CLYBL: variants seen among roughly 807,000 people sequenced by gnomAD.
CLYBL encodes citramalyl-CoA lyase, mitochondrial.
Under a neutral mutation model 38.9 loss-of-function variants are expected in CLYBL, and 31 were observed. That is an observed-to-expected ratio of 0.80 (90% CI 0.60 to 1.08). The LOEUF (loss-of-function observed/expected upper bound fraction) is 1.08, where lower values mean the gene tolerates loss of function less well. Among genes scored for constraint, CLYBL ranks in the 50% least tolerant of loss-of-function variants. CLYBL has a pLI of 0.00. For missense variants in CLYBL, 434 were observed against 411.6 expected (o/e 1.05, Z -0.47); for synonymous variants, 171 against 158.6 (o/e 1.08, Z -0.59).
chr13:99,609,169 GTTTTTTTTTTT>G (rs58873910), intron 1 of CLYBL, among the ~76,000 whole-genome samples: 1 of 45,780 alleles, frequency 2.2e-5, no homozygotes, highest in East Asian at 9.1e-4. Flanking sequence ...ACCTGTCTTT[GTTTTTTTTTTT>G]TTTTTTTTTT....
intron 2 of CLYBL, among the ~76,000 whole-genome samples, chr13:99,854,397 C>T (rs2051406068): frequency 6.6e-6 from 1 of 151,018 alleles, no homozygotes. Context: ...CACAATCCCC[C>T]TTGAATCTCG....
chr13:99,612,106 C>G (rs2046634569), intron 1 of CLYBL, among the ~76,000 whole-genome samples: 1 of 152,216 alleles, frequency 6.6e-6, no homozygotes, highest in African/African-American at 2.4e-5. Flanking sequence ...AGTCTGTCAT[C>G]TCCTTACTGT....
chr13:99,633,097 C>T (rs773684781), intron 1 of CLYBL, among the ~76,000 whole-genome samples: 1 of 147,740 alleles, frequency 6.8e-6, no homozygotes, highest in Non-Finnish European at 1.5e-5. Context: ...AAAAATTAGC[C>T]AGGTGTGGGA....
chr13:99,793,700 A>G (rs1471000708), intron 2 of CLYBL, among the ~76,000 whole-genome samples: 33 of 152,162 alleles, frequency 2.2e-4, no homozygotes, highest in Admixed American at 2.1e-3. Context: ...TTTCCATTTA[A>G]TGAGATCAGC....
intron 2 of CLYBL, among the ~76,000 whole-genome samples, chr13:99,826,836 C>T (rs1443056401): frequency 6.6e-6 from 1 of 152,256 alleles, no homozygotes. Flanking sequence ...ACACATGCCC[C>T]TTGGCGAGGA....
chr13:99,681,298 G>T (rs902442521), intron 1 of CLYBL, among the ~76,000 whole-genome samples: 1 of 152,166 alleles, frequency 6.6e-6, no homozygotes, highest in African/African-American at 2.4e-5. Context: ...AGTTGTGTAG[G>T]AGAGTGTCCT....
At chr13:99,836,768 C>T (rs17612087) in intron 2 of CLYBL, among the ~76,000 whole-genome samples, 8,081 of 152,120 alleles carry the variant, frequency 0.053, 275 homozygotes, top group East Asian at 0.16. Context: ...TTTCTGTGGT[C>T]CTTGCTTAGC....
At chr13:99,646,510 C>CTT (rs140419884) in intron 1 of CLYBL, among the ~76,000 whole-genome samples, 133 of 109,222 alleles carry the variant, frequency 1.2e-3, no homozygotes, top group Non-Finnish European at 1.6e-3. Flanking sequence ...TTACAGAAAT[C>CTT]TTTTTTTTTT....
chr13:99,891,341 T>C lies in CLYBL; in HGVS notation c.951T>C (p.Ser317=). ...AGGGGGCCTTTACTTTCCAAGGGAG[T>C]ATGATCGACATGCCATTACTGAAGC... ...LGKGAFTFQG[S]MIDMPLLKQA... The change falls in exon 8 of 9, where the codon AGT becomes AGC. Residue 317 remains serine (S), a synonymous_variant. Transcript: ENST00000339105. 6.2e-7 allele frequency: 1 copy of C among 1,613,654 alleles called. No individual in the cohort carries two copies. Among genetic ancestry groups the C allele is most frequent in the Non-Finnish European group, 8.5e-7 (1 of 1,179,676 alleles).
intron 2 of CLYBL, among the ~76,000 whole-genome samples, chr13:99,808,890 T>C (rs1318856906): frequency 2.0e-5 from 3 of 152,230 alleles, no homozygotes; most frequent in Non-Finnish European, 4.4e-5. Context: ...CTTCCTATTC[T>C]AAAGTACAGT....
intron 1 of CLYBL, among the ~76,000 whole-genome samples, chr13:99,614,433 C>G (rs1420940862): frequency 6.6e-6 from 1 of 152,098 alleles, no homozygotes; most frequent in African/African-American, 2.4e-5. Flanking sequence ...AGGGGACATG[C>G]CTGGGCTGGA....
At chr13:99,666,912 G>A (rs1436929032) in intron 1 of CLYBL, among the ~76,000 whole-genome samples, 1 of 152,176 alleles carries the variant, frequency 6.6e-6, no homozygotes, top group African/African-American at 2.4e-5. Context: ...TGGGGATCAC[G>A]TGATGCTGCC....
intron 1 of CLYBL, among the ~76,000 whole-genome samples, chr13:99,748,429 GTTTTTTTTTTTTTTTT>G (rs1165919560): frequency 4.6e-5 from 4 of 87,692 alleles, no homozygotes; most frequent in South Asian, 3.7e-4. Context: ...CTAGTTTTGT[GTTTTTTTTTTTTTTTT>G]TTTTTTTTTT....
At chr13:99,739,936 A>T (rs2139596606) in intron 1 of CLYBL, among the ~76,000 whole-genome samples, 1 of 152,180 alleles carries the variant, frequency 6.6e-6, no homozygotes, top group Admixed American at 6.5e-5. Context: ...GTACCATTGC[A>T]CTCCGGCCTG....
At chr13:99,820,447 C>G (rs973064263) in intron 2 of CLYBL, among the ~76,000 whole-genome samples, 5 of 152,144 alleles carry the variant, frequency 3.3e-5, no homozygotes, top group Admixed American at 6.5e-5. Flanking sequence ...TGGACTGCTT[C>G]CATATACTCT....
At chr13:99,626,790 A>G (rs1351863512) in intron 1 of CLYBL, among the ~76,000 whole-genome samples, 1 of 152,094 alleles carries the variant, frequency 6.6e-6, no homozygotes, top group Non-Finnish European at 1.5e-5. Flanking sequence ...CAAAAAAGTA[A>G]GGTTTTCAAG....
chr13:99,896,468 T>TC (rs2052580871), downstream of CLYBL: 1 of 151,936 alleles, frequency 6.6e-6, no homozygotes, highest in Non-Finnish European at 1.5e-5. Context: ...GGCCCTGGGG[T>TC]CCCTGCAGCC....
At chr13:99,816,969 A>G (rs923063034) in intron 2 of CLYBL, among the ~76,000 whole-genome samples, 4 of 152,198 alleles carry the variant, frequency 2.6e-5, no homozygotes, top group African/African-American at 9.6e-5. Flanking sequence ...CCCATCAACC[A>G]TGGGATAATG....
downstream of CLYBL, among the ~76,000 whole-genome samples, chr13:99,897,607 C>T (rs769426283): frequency 2.6e-5 from 4 of 152,128 alleles, no homozygotes; most frequent in Non-Finnish European, 5.9e-5. Context: ...ACTCCTCTGT[C>T]GGTGAAACTT....
Sources: allele counts gnomAD v4.1 joint callset (sites outside exome capture counted in the v4.1 genomes callset), GRCh38; gene constraint gnomAD v4.1.1; transcripts MANE v1.5; gene names NCBI Gene and HGNC (gene_info 2026-07-23, HGNC 2026-07-21).